Variants in TBRG4 observed in about 807,000 individuals in gnomAD.
The protein encoded by TBRG4 is transforming growth factor beta regulator 4.
In TBRG4, 43 loss-of-function variants were observed where a neutral mutation model predicts 65.6. The observed-to-expected ratio is 0.66, with a 90% CI of 0.51 to 0.85. The LOEUF is 0.85. Ranked by LOEUF, TBRG4 falls within the 40% of genes least tolerant of loss-of-function variation. TBRG4 has a pLI of 0.00. For missense variants in TBRG4, 709 were observed against 787.9 expected (o/e 0.90, Z 1.20); for synonymous variants, 366 against 341.4 (o/e 1.07, Z -0.79).
chr7:45,110,337 C>T (rs1313150977), intron 1 of TBRG4, among the ~76,000 whole-genome samples: 20 of 152,158 alleles, frequency 1.3e-4, no homozygotes, highest in Admixed American at 1.2e-3. Flanking sequence ...TTGCCATCTC[C>T]AGCAATGTGT....
In TBRG4 at chr7:45,102,039, GA is replaced by G; in HGVS notation, c.1352del (p.Phe451SerfsTer39). The G allele has an allele frequency of 1.3e-6, 2 of 1,567,392 alleles. No individual in the cohort carries two copies. The highest frequency in any genetic ancestry group is 8.6e-7 in the Non-Finnish European group (1 of 1,162,620). On this transcript the variant is annotated frameshift_variant, in exon 8 of 11. Coordinates refer to ENST00000258770, the MANE Select transcript of TBRG4 (RefSeq NM_004749.4). LOFTEE classifies it high-confidence loss of function. The part of the protein sequence containing the change: ...GGKSQKDQNT[F>X]QKLLHINATA... ...TGGCGTTGATGTGGAGCAGCTTCTG[GA>G]AGGTGTTCTGATCCTTCTGAGACTT...
At chr7:45,109,640 AATTTTTTTTT>A (rs1476454037) in intron 1 of TBRG4, among the ~76,000 whole-genome samples, 2 of 152,164 alleles carry the variant, frequency 1.3e-5, no homozygotes, top group African/African-American at 4.8e-5. Flanking sequence ...AGACAGCATT[AATTTTTTTTT>A]ATTTTTTTAT....
chr7:45,101,647 G>A, intron 8 of TBRG4, 33 bp from the exon 9 acceptor site: 1 of 1,607,932 alleles, frequency 6.2e-7, no homozygotes, highest in Non-Finnish European at 8.5e-7. Flanking sequence ...GAACATGTTG[G>A]GGGACATCCC....
At chr7:45,103,297 G>A in intron 6 of TBRG4, 36 bp downstream of exon 6, 1 of 1,533,824 alleles carries the variant, frequency 6.5e-7, no homozygotes, top group Non-Finnish European at 9.0e-7. Flanking sequence ...TGAAGGGGAG[G>A]ATAAAGGTCG....
At chr7:45,104,337 G>A (rs1224085145) in intron 4 of TBRG4, 81 bp from the exon 5 acceptor site, 4 of 1,603,760 alleles carry the variant, frequency 2.5e-6, no homozygotes, top group South Asian at 1.1e-5. Flanking sequence ...TCAGCCTCGA[G>A]GTCTAGATAT....
At chr7:45,104,026 C>A in intron 5 of TBRG4, 73 bp downstream of exon 5, 1 of 1,467,970 alleles carries the variant, frequency 6.8e-7, no homozygotes. Flanking sequence ...TTTACTTTCC[C>A]GACTAAGGCA....
chr7:45,110,094 C>G lies in TBRG4; in HGVS notation c.-50-807G>C, dbSNP rs59436116. 2.6e-3 allele frequency among the ~76,000 whole-genome samples: 390 copies of G among 152,286 alleles called. 4 individuals are homozygous for G. The highest frequency in any genetic ancestry group is 9.1e-3 in the African/African-American group (380 of 41,556). Reference sequence around the variant, plus strand: ...TACATCACTAGCCTACTAAAACCCCCCCACCAAATTTCTAACAGCAAAAAT... The same window carrying G: ...TACATCACTAGCCTACTAAAACCCCGCCACCAAATTTCTAACAGCAAAAAT... On this transcript the variant is annotated intron_variant, in intron 1 of 10. Transcript: ENST00000258770.
rs200776996 is a variant in TBRG4 at position 45,104,504 on chromosome 7, C to A, written c.907+34G>T. ...TGCAGGCATCTGCAGGGCCAGCGCT[C>A]CCCTCTCTCCACCGTTCTGTCCAAA... is the stretch of plus-strand genomic sequence containing the variant. On this transcript the variant is annotated intron_variant, in intron 4 of 10. Transcript: ENST00000258770. 1.1e-4 allele frequency: 184 copies of A among 1,613,634 alleles called. No individual in the cohort carries two copies. The East Asian group carries it at 4.0e-3, about 35-fold the overall frequency.
chr7:45,104,927 TCCCCAGGTC>T (rs775711965), intron 3 of TBRG4: 17 of 827,888 alleles, frequency 2.1e-5, no homozygotes, highest in Non-Finnish European at 3.6e-5. Context: ...GCCAAACTTA[TCCCCAGGTC>T]CCAGGGTAGG....
At chr7:45,103,979 T>C (rs746416261) in intron 5 of TBRG4, 120 bp downstream of exon 5, 19 of 1,320,982 alleles carry the variant, frequency 1.4e-5, no homozygotes, top group African/African-American at 3.0e-5. Flanking sequence ...GCAAGAAATA[T>C]GTATTTGCCC....
chr7:45,100,431 A>G lies in TBRG4; in HGVS notation c.1795-5T>C, dbSNP rs1334776843. On this transcript the variant is annotated splice_polypyrimidine_tract_variant and splice_region_variant and intron_variant, in intron 10 of 10. Coordinates refer to ENST00000258770, the MANE Select transcript of TBRG4 (RefSeq NM_004749.4). ...CAGCCACTCATAGAATGGGACCTAG[A>G]AGGAGGCAGGGGAGACAGGTCACAT... The G allele has an allele frequency of 3.1e-6, 5 of 1,612,748 alleles. No homozygotes were observed. The highest frequency in any genetic ancestry group is 1.1e-5 in the South Asian group (1 of 91,056).
intron 1 of TBRG4, 45 bp downstream of exon 1, chr7:45,111,598 A>G (rs1366223142): frequency 1.6e-6 from 2 of 1,289,272 alleles, no homozygotes; most frequent in South Asian, 2.5e-5. Context: ...TGTGCACTCG[A>G]AACCCACGAT....
At position 45,100,440 on chromosome 7, in the gene TBRG4, G is replaced by A. The variant is rs745346551; in HGVS notation, c.1795-14C>T. The A allele has an allele frequency of 5.0e-6, 8 of 1,606,478 alleles. No homozygotes were observed. The Admixed American group carries it at 1.0e-4, about 20-fold the overall frequency. ...ATAGAATGGGACCTAGAAGGAGGCA[G>A]GGGAGACAGGTCACATGGGCAAGGA... On this transcript the variant is annotated splice_polypyrimidine_tract_variant and intron_variant, in intron 10 of 10. Transcript: ENST00000258770.
rs1409459684 is a variant in TBRG4, at chr7:45,108,868, C to G, written c.370G>C (p.Asp124His). The change falls in exon 2 of 11, where the codon GAT becomes CAT. Residue 124 changes from aspartate to histidine, a missense_variant. By Grantham distance (81) the Asp-to-His change is moderately conservative. Coordinates refer to ENST00000258770, the MANE Select transcript of TBRG4 (RefSeq NM_004749.4). ...CAGAGAAGTTGATGAAAGTGGGCAT[C>G]CTGTATGAGCAAGCCTTTATCTTCT... ...KPEDKGLLIQDAHFHQLLCLL... is the reference protein window; with the variant it reads ...KPEDKGLLIQHAHFHQLLCLL... 6.4e-7 allele frequency: 1 copy of G among 1,553,180 alleles called. No individual in the cohort carries two copies. Among genetic ancestry groups the G allele is most frequent in the Admixed American group, 2.0e-5 (1 of 49,748 alleles).
At position 45,110,879 on chromosome 7, in the gene TBRG4, T is replaced by A. The variant is rs149953765; in HGVS notation, c.-51+764A>T. 79 of 151,722 alleles carry A rather than the reference T, an allele frequency of 5.2e-4. 1 individual carries two copies. The highest frequency in any genetic ancestry group is 1.8e-3 in the African/African-American group (76 of 41,360). The allele number at this position is 151,722 out of a possible 1,614,324, so 9.4% of individuals were successfully genotyped here. ...TGTAAAAAGCTTAGTCTAACTCCAC[T>A]TAAAGAAAAAAAAAAAGAGAGAGAG... On this transcript the variant is annotated intron_variant, in intron 1 of 10. Coordinates refer to ENST00000258770, the MANE Select transcript of TBRG4 (RefSeq NM_004749.4).
intron 2 of TBRG4, 73 bp downstream of exon 2, chr7:45,108,753 TG>T: frequency 7.7e-7 from 1 of 1,291,234 alleles, no homozygotes; most frequent in Non-Finnish European, 1.0e-6. Context: ...TGGTAAGCAC[TG>T]GCTGCTGTGG....
At chr7:45,109,777 G>A (rs1785075016) in intron 1 of TBRG4, among the ~76,000 whole-genome samples, 1 of 152,036 alleles carries the variant, frequency 6.6e-6, no homozygotes, top group South Asian at 2.1e-4. Context: ...AGGAGTTTGA[G>A]ACCAGCCTGG....
intron 1 of TBRG4, chr7:45,110,725 G>A (rs562251198): frequency 6.6e-6 from 1 of 152,110 alleles, no homozygotes; most frequent in Admixed American, 6.5e-5. Flanking sequence ...CATGCGACAA[G>A]GGCAAGATAA....
At chr7:45,110,063 GTAGATTACATCAC>G (rs1266017008) in intron 1 of TBRG4, among the ~76,000 whole-genome samples, 3 of 151,652 alleles carry the variant, frequency 2.0e-5, no homozygotes, top group Admixed American at 2.0e-4. Context: ...CGAAACCAAG[GTAGATTACATCAC>G]TAGCCTACTA....
Sources: gnomAD v4.1 joint callset for allele counts (sites outside exome capture counted in the v4.1 genomes callset) on GRCh38, gnomAD v4.1.1 for gene constraint, MANE v1.5 for transcripts, NCBI Gene and HGNC (gene_info 2026-07-23, HGNC 2026-07-21) for gene names.